ARMC6: variants seen among roughly 807,000 people sequenced by gnomAD.
ARMC6 encodes armadillo repeat-containing protein 6.
ARMC6 carries 43 observed loss-of-function variants against 49.2 expected under a neutral mutation model. That is an observed-to-expected ratio of 0.87 (90% confidence interval 0.69 to 1.13). The LOEUF is 1.13. Among genes scored for constraint, ARMC6 ranks in the 50% most tolerant of loss-of-function variants. The pLI, the probability that ARMC6 is intolerant of heterozygous loss-of-function variation, is 0.00. For missense variants in ARMC6, 627 were observed against 682.0 expected (o/e 0.92, Z 0.90); for synonymous variants, 262 against 289.6 (o/e 0.90, Z 0.97).
rs1464409773 is a variant in ARMC6 at position 19,057,523 on chromosome 19, C to G, written c.1401C>G (p.Ala467=). The change falls in exon 9 of 9, where the codon GCC becomes GCG. Residue 467 remains alanine, a synonymous_variant. Transcript: ENST00000535612. ...CACTCATCATGCAGGCCCGATCTGCCCACCGTGACTGTGAGGACGTGGCCA... is the reference window on the plus strand; with the variant it reads ...CACTCATCATGCAGGCCCGATCTGCGCACCGTGACTGTGAGGACGTGGCCA... ...AEALIMQARS[A]HRDCEDVAKA... 1.9e-6 allele frequency: 3 copies of G among 1,614,016 alleles called. No homozygotes were observed. Among genetic ancestry groups the G allele is most frequent in the Admixed American group, 1.7e-5 (1 of 60,022 alleles).
chr19:19,055,744 G>A lies in ARMC6; in HGVS notation c.1156-47G>A, dbSNP rs2059538540. The A allele has an allele frequency of 6.6e-7, 1 of 1,523,846 alleles. No homozygotes were observed. Among genetic ancestry groups the A allele is most frequent in the Non-Finnish European group, 8.9e-7 (1 of 1,127,098 alleles). The allele number at this position is 1,523,846 out of a possible 1,614,324, so 94.4% of individuals were successfully genotyped here. Reference sequence around the variant, plus strand: ...TGGTGGCCATGGCAGGATGTTGTGGGGGGTCTATCTGCTGCATCTCAGCCT... The same window carrying A: ...TGGTGGCCATGGCAGGATGTTGTGGAGGGTCTATCTGCTGCATCTCAGCCT... On this transcript the variant is annotated intron_variant, in intron 7 of 8. Coordinates refer to ENST00000535612, the MANE Select transcript of ARMC6 (RefSeq NM_001199196.2). The surrounding 1 kb of genome is among the most constrained non-coding windows in gnomAD (Gnocchi z 5.7).
At chr19:19,041,671 A>G (rs1308460908) in intron 2 of ARMC6, among the ~76,000 whole-genome samples, 5 of 152,218 alleles carry the variant, frequency 3.3e-5, no homozygotes, top group Admixed American at 2.6e-4. Flanking sequence ...TATAGTGTAT[A>G]TCTTATACTA....
At chr19:19,054,107 G>T in intron 5 of ARMC6, 45 bp from the exon 6 acceptor site, 1 of 1,474,878 alleles carries the variant, frequency 6.8e-7, no homozygotes, top group South Asian at 1.4e-5. Context: ...GGGCCCTGCG[G>T]CTGGTTCTTC....
At chr19:19,034,029 GGA>G (rs2059307633) in intron 1 of ARMC6, 99 bp downstream of exon 1, 13 of 540,400 alleles carry the variant, frequency 2.4e-5, no homozygotes, top group Non-Finnish European at 4.1e-5. Flanking sequence ...TGGTTTGGGG[GGA>G]AAAAAAAAAT....
chr19:19,040,034 C>T (rs1404400236), intron 2 of ARMC6, among the ~76,000 whole-genome samples: 1 of 152,216 alleles, frequency 6.6e-6, no homozygotes, highest in Non-Finnish European at 1.5e-5. Context: ...TGCCACACTT[C>T]AGCTGTGTGA....
intron 2 of ARMC6, among the ~76,000 whole-genome samples, chr19:19,038,898 T>C (rs887325966): frequency 4.1e-5 from 6 of 147,210 alleles, no homozygotes; most frequent in Non-Finnish European, 6.0e-5. Context: ...TTTGTGTGTA[T>C]ACACACACAC....
intron 2 of ARMC6, among the ~76,000 whole-genome samples, chr19:19,040,090 G>A (rs1166891844): frequency 6.6e-6 from 1 of 152,252 alleles, no homozygotes; most frequent in East Asian, 1.9e-4. Flanking sequence ...TGCAGATAGA[G>A]AACGTTTCAT....
intron 4 of ARMC6, among the ~76,000 whole-genome samples, chr19:19,045,467 T>G (rs1456076354): frequency 6.8e-6 from 1 of 146,712 alleles, no homozygotes; most frequent in Non-Finnish European, 1.5e-5. Flanking sequence ...TAAGTACTTC[T>G]TAAGTGCTCA....
rs750773205 is a variant in ARMC6 at position 19,054,237 on chromosome 19, C to G, written c.939C>G (p.Val313=). ...TTCGCAACGAGTTCTGCCAGGAGGT[C>G]GTCGACCTCGGGGGCCTGAGCATTC... The part of the protein sequence containing the change: ...LAIRNEFCQE[V]VDLGGLSILV... Residue 313 remains valine (V), a synonymous_variant, in exon 6 of 9, where the codon GTC becomes GTG. Transcript: ENST00000535612. 7 of 1,611,632 alleles carry G rather than the reference C, an allele frequency of 4.3e-6. No homozygotes were observed. The highest frequency in any genetic ancestry group is 5.9e-6 in the Non-Finnish European group (7 of 1,179,028).
chr19:19,043,883 G>A, intron 3 of ARMC6, 109 bp from the exon 4 acceptor site: 2 of 941,632 alleles, frequency 2.1e-6, no homozygotes, highest in South Asian at 2.7e-5. Context: ...TCTGGAGTGG[G>A]GTGGTCCCAG....
At position 19,057,455 on chromosome 19, in the gene ARMC6, G is replaced by C. The variant is rs200403367; in HGVS notation, c.1333G>C (p.Gly445Arg). The C allele has an allele frequency of 2.5e-6, 4 of 1,613,764 alleles. No individual in the cohort carries two copies. Among genetic ancestry groups the C allele is most frequent in the Non-Finnish European group, 1.7e-6 (2 of 1,180,032 alleles). The change falls in exon 9 of 9, where the codon GGC becomes CGC. Residue 445 changes from glycine (G) to arginine (R), a missense_variant. Gly to Arg is a moderately radical substitution (Grantham distance 125). Coordinates refer to ENST00000535612, the MANE Select transcript of ARMC6 (RefSeq NM_001199196.2). The part of the protein sequence containing the change: ...CMLIRNLVAH[G>R]QAFSKPILDL... Reference sequence around the variant, plus strand: ...GCTGATCCGAAACCTGGTGGCCCACGGCCAGGCCTTCTCGAAGCCCATCCT... The same window carrying C: ...GCTGATCCGAAACCTGGTGGCCCACCGCCAGGCCTTCTCGAAGCCCATCCT...
At position 19,057,563 on chromosome 19, in the gene ARMC6, G is replaced by C. The variant is rs1468212418; in HGVS notation, c.1441G>C (p.Asp481His). The C allele has an allele frequency of 6.2e-7, 1 of 1,613,800 alleles. No individual in the cohort carries two copies. Among genetic ancestry groups the C allele is most frequent in the East Asian group, 2.2e-5 (1 of 44,864 alleles). ...GGACGTGGCCAAGGCCGCCCTGCGG[G>C]ACCTGGGTTGTCATGTCGAGCTCCG... Reference protein sequence around the residue: ...CEDVAKAALRDLGCHVELREL... With the variant: ...CEDVAKAALRHLGCHVELREL... Residue 481 changes from aspartate to histidine, a missense_variant, in exon 9 of 9, where the codon GAC becomes CAC. By Grantham distance (81) the Asp-to-His change is moderately conservative. Coordinates refer to ENST00000535612, the MANE Select transcript of ARMC6 (RefSeq NM_001199196.2).
chr19:19,054,387 G>A, intron 6 of ARMC6, 66 bp downstream of exon 6: 1 of 1,412,940 alleles, frequency 7.1e-7, no homozygotes. Context: ...ACGAGCTATA[G>A]TCAGAACAAG....
chr19:19,045,910 C>T (rs868522929), intron 4 of ARMC6, among the ~76,000 whole-genome samples: 16 of 152,282 alleles, frequency 1.1e-4, no homozygotes, highest in African/African-American at 3.6e-4. Context: ...CTCGGACTCT[C>T]AAAGTGCTGG....
intron 2 of ARMC6, among the ~76,000 whole-genome samples, chr19:19,037,170 G>T (rs549874871): frequency 1.3e-5 from 2 of 152,154 alleles, no homozygotes; most frequent in South Asian, 4.2e-4. Context: ...GGGCGACAGA[G>T]CGAGACTCTG....
At chr19:19,052,622 C>T (rs1408685275) in intron 5 of ARMC6, among the ~76,000 whole-genome samples, 1 of 152,222 alleles carries the variant, frequency 6.6e-6, no homozygotes, top group Non-Finnish European at 1.5e-5. Context: ...ATGTGTCTGG[C>T]TCCAGGGTGA....
In ARMC6 at chr19:19,054,280, G is replaced by A. The variant is rs761010517; in HGVS notation, c.982G>A (p.Asp328Asn). The change falls in exon 6 of 9, where the codon GAC becomes AAC. Residue 328 changes from aspartate to asparagine, a missense_variant. By Grantham distance (23) the Asp-to-Asn change is conservative. Coordinates refer to ENST00000535612, the MANE Select transcript of ARMC6 (RefSeq NM_001199196.2). Reference protein sequence around the residue: ...GLSILVSLLADCNDHQMRDQS... With the variant: ...GLSILVSLLANCNDHQMRDQS... ...GAGCATTCTGGTGTCCCTGCTAGCC[G>A]ACTGCAATGACCACCAGATGAGGGA... The A allele has an allele frequency of 1.1e-5, 18 of 1,606,912 alleles. No homozygotes were observed. The highest frequency in any genetic ancestry group is 9.0e-5 in the East Asian group (4 of 44,472).
chr19:19,050,966 TTAAAG>T (rs2059490898), intron 4 of ARMC6, among the ~76,000 whole-genome samples: 1 of 152,228 alleles, frequency 6.6e-6, no homozygotes, highest in African/African-American at 2.4e-5. Flanking sequence ...TCTGAGTTGT[TTAAAG>T]TATTTTCTCC....
Position 19,058,056 on chromosome 19 carries a change from T to C in ARMC6, c.*428T>C. The C allele has an allele frequency of 7.3e-6, 2 of 275,160 alleles. No individual in the cohort carries two copies. Among genetic ancestry groups the C allele is most frequent in the Admixed American group, 4.9e-5 (1 of 20,272 alleles). 17.0% of individuals were successfully genotyped at this position (275,160 alleles called of 1,614,324 possible). A position where few individuals can be genotyped will look rare whatever the true frequency, so the allele number is the denominator to read the frequency against. Reference sequence around the variant, plus strand: ...CAGTTTCATGCAGGCCTCTGCTCCTTGTCTTTCTTACCTGTAAAATGGGTC... The same window carrying C: ...CAGTTTCATGCAGGCCTCTGCTCCTCGTCTTTCTTACCTGTAAAATGGGTC... On this transcript the variant is annotated 3_prime_UTR_variant, in exon 9 of 9. Transcript: ENST00000535612.
Sources: gnomAD v4.1 joint callset for allele counts (sites outside exome capture counted in the v4.1 genomes callset) on GRCh38, gnomAD v4.1.1 for gene constraint, Gnocchi (gnomAD v3.1) non-coding constraint, MANE v1.5 for transcripts, NCBI Gene and HGNC (gene_info 2026-07-23, HGNC 2026-07-21) for gene names.